ZNF713: variants seen among roughly 807,000 people sequenced by gnomAD.
ZNF713 encodes zinc finger protein 713.
A neutral mutation model predicts 28.7 loss-of-function variants in ZNF713; 21 were observed. That is an observed-to-expected ratio of 0.73 (90% CI 0.52 to 1.05). The LOEUF (loss-of-function observed/expected upper bound fraction) is 1.05. ZNF713 is among the 50% of genes least tolerant of loss of function. ZNF713 has a pLI of 0.00. For missense variants in ZNF713, 458 were observed against 532.4 expected, an observed-to-expected ratio of 0.86 and a Z score of 1.37; for synonymous variants, 167 against 178.0, an observed-to-expected ratio of 0.94 and a Z score of 0.49.
chr7:55,934,943 C>T lies in ZNF713; in HGVS notation c.308-4039C>T, dbSNP rs144776717. ...TTGCTCTGTTGCCTAGACTGGAGTG[C>T]AGTGGCACGATCTTGGCTCACTGCA... On this transcript the variant is annotated intron_variant, in intron 6 of 6. Coordinates refer to ENST00000429591, the MANE Select transcript of ZNF713 (RefSeq NM_182633.3). Among the ~76,000 whole-genome samples, 41 of 143,950 alleles carry T rather than the reference C, an allele frequency of 2.8e-4. 2 individuals carry two copies. Among genetic ancestry groups the T allele is most frequent in the African/African-American group, 1.0e-3 (40 of 38,350 alleles). 94.4% of individuals were successfully genotyped at this position (143,950 alleles called of 152,430 possible).
At chr7:55,897,218 A>G (rs1429779098) in intron 1 of ZNF713, among the ~76,000 whole-genome samples, 1 of 152,012 alleles carries the variant, frequency 6.6e-6, no homozygotes, top group Non-Finnish European at 1.5e-5. Context: ...GGGTTTGAGA[A>G]GCAAGATATG....
At chr7:55,898,454 G>A (rs971476650) in intron 1 of ZNF713, among the ~76,000 whole-genome samples, 6 of 152,198 alleles carry the variant, frequency 3.9e-5, no homozygotes, top group African/African-American at 1.4e-4. Flanking sequence ...AAGCATGACT[G>A]GGAGGCCTCA....
chr7:55,922,469 C>T (rs895139369), intron 4 of ZNF713, among the ~76,000 whole-genome samples: 3 of 150,356 alleles, frequency 2.0e-5, no homozygotes, highest in South Asian at 4.2e-4. Context: ...ACCTGGGAAG[C>T]GGAGGTTGCA....
At chr7:55,935,423 G>A (rs1364898128) in intron 6 of ZNF713, among the ~76,000 whole-genome samples, 1 of 151,608 alleles carries the variant, frequency 6.6e-6, no homozygotes, top group Non-Finnish European at 1.5e-5. Context: ...AAATTACATG[G>A]GCAATACATA....
At position 55,901,104 on chromosome 7, in the gene ZNF713, G is replaced by A. The variant is rs374484315; in HGVS notation, c.-582-5149G>A. On this transcript the variant is annotated intron_variant, in intron 1 of 6. Coordinates refer to ENST00000429591, the MANE Select transcript of ZNF713 (RefSeq NM_182633.3). Reference sequence around the variant, plus strand: ...ACAATGTGTATTAGTCTGTTTTCACGCTGCTGATAAAGACATACCCAAGAC... The same window carrying A: ...ACAATGTGTATTAGTCTGTTTTCACACTGCTGATAAAGACATACCCAAGAC... 3.2e-4 allele frequency among the ~76,000 whole-genome samples: 48 copies of A among 152,236 alleles called. No individual in the cohort carries two copies. In the South Asian group the frequency reaches 6.8e-3, roughly 22 times the overall value.
Position 55,915,869 on chromosome 7 carries a change from C to T in ZNF713, c.87+3146C>T, listed in dbSNP as rs536636355. Among the ~76,000 whole-genome samples, 3 of 152,194 alleles carry T rather than the reference C, an allele frequency of 2.0e-5. No homozygotes were observed. In the East Asian group the frequency reaches 5.8e-4, roughly 29 times the overall value. ...CAGAAAGATAACATAATAAGTAATC[C>T]AATTCTACATTAAAAATCATCCTGG... On this transcript the variant is annotated intron_variant, in intron 4 of 6. Transcript: ENST00000429591.
At chr7:55,905,408 C>G (rs1408230370) in intron 1 of ZNF713, among the ~76,000 whole-genome samples, 1 of 152,068 alleles carries the variant, frequency 6.6e-6, no homozygotes, top group East Asian at 1.9e-4. Context: ...ATGCACAGCT[C>G]AGACAGAACC....
At chr7:55,935,705 G>A (rs1320501041) in intron 6 of ZNF713, among the ~76,000 whole-genome samples, 3 of 152,152 alleles carry the variant, frequency 2.0e-5, no homozygotes. Flanking sequence ...TGTAATCCCA[G>A]CACTTTGGGA....
rs1786446458 is a variant in ZNF713 at position 55,940,555 on chromosome 7, A to G, written c.*549A>G. The G allele has an allele frequency of 1.0e-6, 1 of 982,536 alleles. No individual in the cohort carries two copies. The highest frequency in any genetic ancestry group is 6.2e-5 in the Admixed American group (1 of 16,240). 60.9% of individuals were successfully genotyped at this position (982,536 alleles called of 1,614,324 possible). On this transcript the variant is annotated 3_prime_UTR_variant, in exon 7 of 7. Coordinates refer to ENST00000429591, the MANE Select transcript of ZNF713 (RefSeq NM_182633.3). ...GAGATTATATTTGGAGTCATGTTCCAAATCTGATATAAAACTTTTTAAAAA... is the reference window on the plus strand; with the variant it reads ...GAGATTATATTTGGAGTCATGTTCCGAATCTGATATAAAACTTTTTAAAAA...
In ZNF713 at chr7:55,939,878, G is replaced by T. The variant is rs867529935; in HGVS notation, c.1204G>T (p.Glu402Ter). 1.2e-6 allele frequency: 2 copies of T among 1,614,102 alleles called. No homozygotes were observed. The highest frequency in any genetic ancestry group is 1.7e-6 in the Non-Finnish European group (2 of 1,179,968). The change falls in exon 7 of 7, where the codon GAA (glutamate) becomes TAA (stop). Residue 402 changes from glutamate to a stop codon, truncating the protein, a stop_gained. Coordinates refer to ENST00000429591, the MANE Select transcript of ZNF713 (RefSeq NM_182633.3). LOFTEE classifies it low-confidence loss of function (END_TRUNC). ...HTGEKPYKCN[E>*]CGKAFSQSAH... ...AGGAGAGAAACCCTATAAATGTAAT[G>T]AATGCGGGAAAGCCTTTAGCCAGAG...
intron 1 of ZNF713, among the ~76,000 whole-genome samples, chr7:55,892,567 A>AAAC (rs1168275814): frequency 4.0e-5 from 6 of 149,796 alleles, no homozygotes; most frequent in African/African-American, 9.8e-5. Flanking sequence ...AAAAAAAAAA[A>AAAC]AAAAAAAAAA....
Position 55,923,273 on chromosome 7 carries a change from A to T in ZNF713, c.199A>T (p.Asn67Tyr). The T allele has an allele frequency of 6.2e-7, 1 of 1,612,716 alleles. No homozygotes were observed. The highest frequency in any genetic ancestry group is 2.2e-5 in the East Asian group (1 of 44,874). Reference sequence around the variant, plus strand: ...AGACGTGATGCTGGAGAACTACAGGAATCTAGTTGCACTGGGTGAGGATGG... The same window carrying T: ...AGACGTGATGCTGGAGAACTACAGGTATCTAGTTGCACTGGGTGAGGATGG... ...YRDVMLENYR[N>Y]LVALGYQLCK... The change falls in exon 5 of 7, where the codon AAT becomes TAT. Residue 67 changes from asparagine to tyrosine, a missense_variant. Physicochemically the swap from Asn to Tyr is moderately radical, Grantham distance 143 (BLOSUM62 -2). Transcript: ENST00000429591.
intron 1 of ZNF713, among the ~76,000 whole-genome samples, chr7:55,889,371 G>C (rs1335434396): frequency 3.3e-5 from 5 of 152,168 alleles, no homozygotes; most frequent in African/African-American, 1.2e-4. Flanking sequence ...CAAGTGCTGG[G>C]ATTACAGGCG....
chr7:55,894,445 T>A (rs1397234910), intron 1 of ZNF713, among the ~76,000 whole-genome samples: 3 of 152,170 alleles, frequency 2.0e-5, no homozygotes, highest in African/African-American at 7.2e-5. Context: ...ATTTAAAAAA[T>A]AAAGCTAAAA....
At chr7:55,930,059 T>C (rs1239098911) in intron 6 of ZNF713, among the ~76,000 whole-genome samples, 1 of 152,012 alleles carries the variant, frequency 6.6e-6, no homozygotes, top group Non-Finnish European at 1.5e-5. Context: ...AAAAATAATA[T>C]GAACAGTTCT....
intron 1 of ZNF713, among the ~76,000 whole-genome samples, chr7:55,903,187 C>T (rs189795130): frequency 2.0e-5 from 3 of 151,800 alleles, no homozygotes; most frequent in African/African-American, 7.3e-5. Flanking sequence ...ACACCAAAAT[C>T]CTTTCATTTA....
At chr7:55,893,642 C>T (rs1231890860) in intron 1 of ZNF713, among the ~76,000 whole-genome samples, 4 of 151,948 alleles carry the variant, frequency 2.6e-5, no homozygotes, top group Admixed American at 6.6e-5. Flanking sequence ...TACAGTGTCG[C>T]GATCTTGGCT....
At chr7:55,921,915 C>T (rs2116236257) in intron 4 of ZNF713, among the ~76,000 whole-genome samples, 1 of 152,168 alleles carries the variant, frequency 6.6e-6, no homozygotes, top group Admixed American at 6.5e-5. Context: ...AACTTTATTG[C>T]TGTCTTTTGT....
At chr7:55,931,947 C>A (rs1483326039) in intron 6 of ZNF713, among the ~76,000 whole-genome samples, 1 of 152,164 alleles carries the variant, frequency 6.6e-6, no homozygotes, top group African/African-American at 2.4e-5. Flanking sequence ...TGCTAAGAGA[C>A]GTGAGAGGCA....
Sources: allele counts gnomAD v4.1 joint callset (sites outside exome capture counted in the v4.1 genomes callset), GRCh38; gene constraint gnomAD v4.1.1; transcripts MANE v1.5; gene names NCBI Gene and HGNC (gene_info 2026-07-23, HGNC 2026-07-21).